The following HIRA variants were observed in gnomAD, a reference collection of about 807,000 sequenced individuals.
The protein encoded by HIRA is protein HIRA.
HIRA carries 13 observed loss-of-function variants against 126.6 expected under a neutral mutation model. That is an observed-to-expected ratio of 0.10 (90% CI 0.07 to 0.16). HIRA has a LOEUF of 0.16. HIRA is among the 10% of genes least tolerant of loss of function. The pLI, the probability that HIRA is intolerant of heterozygous loss-of-function variation, is 1.00. For synonymous variants in HIRA, 511 were observed against 520.0 expected (o/e 0.98, Z 0.24); for missense variants, 834 against 1,314.4 (o/e 0.63, Z 5.65).
intron 14 of HIRA, 99 bp downstream of exon 14, chr22:19,377,770 G>A: frequency 9.4e-7 from 1 of 1,059,858 alleles, no homozygotes. Context: ...TGATTGAAGG[G>A]GCCACAAAGT....
chr22:19,387,047 G>C (rs1431151854), intron 11 of HIRA, among the ~76,000 whole-genome samples: 2 of 152,234 alleles, frequency 1.3e-5, no homozygotes, highest in Non-Finnish European at 2.9e-5. Flanking sequence ...AGTGGGGGCA[G>C]GTTTCTAAGC....
intron 15 of HIRA, among the ~76,000 whole-genome samples, chr22:19,367,190 G>A (rs1182763541): frequency 2.6e-5 from 4 of 151,950 alleles, no homozygotes. Context: ...TGTATGTCGG[G>A]CTTTTTTCAA....
intron 5 of HIRA, among the ~76,000 whole-genome samples, chr22:19,399,637 G>C (rs1191247931): frequency 5.1e-4 from 78 of 152,218 alleles, no homozygotes; most frequent in Non-Finnish European, 2.9e-5. Context: ...CATAGGTCTG[G>C]ATTCTCATAA....
At chr22:19,353,886 G>T in intron 22 of HIRA, 110 bp downstream of exon 22, 1 of 1,366,228 alleles carries the variant, frequency 7.3e-7, no homozygotes, top group Non-Finnish European at 1.0e-6. Context: ...CTGGGGCACA[G>T]GGGAAGGGCA....
In HIRA at chr22:19,387,757, T is replaced by C; in HGVS notation, c.1067A>G (p.Asp356Gly). The change falls in exon 11 of 25, where the codon GAC becomes GGC. Residue 356 changes from aspartate to glycine, a missense_variant. This residue lies in a region of HIRA where 153 missense variants were observed against 270.6 expected (regional missense o/e 0.57). Coordinates refer to ENST00000263208, the MANE Select transcript of HIRA (RefSeq NM_003325.4). Reference protein sequence around the residue: ...CSMDGSVAFLDFSQDELGDPL... With the variant: ...CSMDGSVAFLGFSQDELGDPL... ...ATCGCCAAGCTCATCCTGGGAGAAG[T>C]CGAGGAATGCCACAGAGCCGTCCAT... 6.2e-7 allele frequency: 1 copy of C among 1,613,848 alleles called. No homozygotes were observed. The highest frequency in any genetic ancestry group is 2.2e-5 in the East Asian group (1 of 44,860).
intron 24 of HIRA, among the ~76,000 whole-genome samples, chr22:19,347,020 G>T (rs1254642727): frequency 6.6e-6 from 1 of 152,164 alleles, no homozygotes; most frequent in African/African-American, 2.4e-5. Flanking sequence ...TTACTTTCAG[G>T]CTGAGAAAGA....
At chr22:19,416,263 AC>A (rs1245730051) in intron 1 of HIRA, among the ~76,000 whole-genome samples, 3 of 152,200 alleles carry the variant, frequency 2.0e-5, no homozygotes, top group Non-Finnish European at 4.4e-5. Flanking sequence ...TTAGAAGGAA[AC>A]ATAGGGGAAA....
intron 24 of HIRA, among the ~76,000 whole-genome samples, chr22:19,350,701 C>G (rs1210842171): frequency 6.6e-6 from 1 of 152,066 alleles, no homozygotes; most frequent in Admixed American, 6.6e-5. Flanking sequence ...AAGAAGAAAA[C>G]GCTAGCTCCT....
intron 15 of HIRA, among the ~76,000 whole-genome samples, chr22:19,371,425 A>G (rs1374145113): frequency 2.0e-5 from 3 of 151,546 alleles, no homozygotes; most frequent in Non-Finnish European, 4.4e-5. Flanking sequence ...TTTTTGGTTC[A>G]TTTCCAAATC....
intron 2 of HIRA, among the ~76,000 whole-genome samples, chr22:19,409,121 T>G (rs2089330349): frequency 6.6e-6 from 1 of 152,162 alleles, no homozygotes; most frequent in Admixed American, 6.5e-5. Flanking sequence ...GAGACCCAAA[T>G]GTACCCTGAA....
chr22:19,377,807 C>T, intron 14 of HIRA, 62 bp downstream of exon 14: 1 of 1,416,762 alleles, frequency 7.1e-7, no homozygotes, highest in Non-Finnish European at 9.5e-7. Flanking sequence ...TCTCTGTCCT[C>T]AAAACTATGT....
chr22:19,379,297 C>T (rs5993619), intron 13 of HIRA, among the ~76,000 whole-genome samples: 59,357 of 150,734 alleles, frequency 0.39, 13,442 homozygotes, highest in Non-Finnish European at 0.51. Flanking sequence ...CAGGTGTGAG[C>T]CACCGTGCCC....
chr22:19,358,091 C>T (rs1556013249), intron 18 of HIRA, among the ~76,000 whole-genome samples: 2 of 152,098 alleles, frequency 1.3e-5, no homozygotes, highest in Admixed American at 6.5e-5. Flanking sequence ...CCTCCGCCTC[C>T]CCAGTTCAAG....
In HIRA at chr22:19,414,630, A is replaced by G. The variant is rs993553146; in HGVS notation, c.38-3852T>C. On this transcript the variant is annotated intron_variant, in intron 1 of 24. Coordinates refer to ENST00000263208, the MANE Select transcript of HIRA (RefSeq NM_003325.4). ...CTGGGAACACTTCCTGCACTGCCCA[A>G]TAGAACTTGGTTTTAACCAATGTTG... is the stretch of plus-strand genomic sequence containing the variant. Among the ~76,000 whole-genome samples, 33 of 152,258 alleles carry G rather than the reference A, an allele frequency of 2.2e-4. 1 individual carries two copies. The highest frequency in any genetic ancestry group is 6.5e-4 in the African/African-American group (27 of 41,474).
At chr22:19,394,909 T>C (rs1328974379) in intron 7 of HIRA, among the ~76,000 whole-genome samples, 1 of 152,188 alleles carries the variant, frequency 6.6e-6, no homozygotes, top group Non-Finnish European at 1.5e-5. Flanking sequence ...CAAGATATAC[T>C]CTGGTGGAGA....
Position 19,418,925 on chromosome 22 carries a change from A to AACACAC in HIRA, c.38-8153_38-8148dup, listed in dbSNP as rs66479451. On this transcript the variant is annotated intron_variant, in intron 1 of 24. Transcript: ENST00000263208. Reference sequence around the variant, plus strand: ...TCTATAATCATCTCGATAAGAAATAAACACACACACACACACACACACACA... The same window carrying AACACAC: ...TCTATAATCATCTCGATAAGAAATAAACACACACACACACACACACACACACACACA... Among the ~76,000 whole-genome samples the AACACAC allele has an allele frequency of 6.9e-4, 104 of 149,970 alleles. 1 individual carries two copies. The Middle Eastern group carries it at 0.01, about 15-fold the overall frequency.
intron 1 of HIRA, among the ~76,000 whole-genome samples, chr22:19,423,288 G>A (rs893801761): frequency 2.0e-5 from 3 of 151,898 alleles, no homozygotes; most frequent in Admixed American, 6.6e-5. Context: ...TTGTGATTCC[G>A]CTATGTGTCT....
chr22:19,399,210 T>C (rs1158734300), intron 5 of HIRA: 12 of 942,796 alleles, frequency 1.3e-5, no homozygotes, highest in Non-Finnish European at 1.5e-5. Flanking sequence ...TACAGAAGAA[T>C]GATTGGTGAG....
At chr22:19,389,352 T>C (rs1219240261) in intron 9 of HIRA, among the ~76,000 whole-genome samples, 1 of 152,146 alleles carries the variant, frequency 6.6e-6, no homozygotes, top group East Asian at 1.9e-4. Context: ...TTTCCACTTG[T>C]GCACAAGTGC....
Sources: gnomAD v4.1 joint callset for allele counts (sites outside exome capture counted in the v4.1 genomes callset) on GRCh38, gnomAD v4.1.1 for gene constraint, gnomAD v4.1.1 regional missense constraint, MANE v1.5 for transcripts, NCBI Gene and HGNC (gene_info 2026-07-23, HGNC 2026-07-21) for gene names.